NCAM1: variants seen among roughly 807,000 people sequenced by gnomAD.
NCAM1 encodes the protein antigen recognized by monoclonal antibody 5.1H11.
A neutral mutation model predicts 109.8 loss-of-function variants in NCAM1; 14 were observed. The observed-to-expected ratio is 0.13, with a 90% confidence interval of 0.08 to 0.20. NCAM1 has a LOEUF of 0.20. Ranked by LOEUF, NCAM1 falls within the 10% of genes least tolerant of loss-of-function variation. NCAM1 has a pLI of 1.00. For missense variants in NCAM1, 774 were observed against 1,109.9 expected (o/e 0.70, Z 4.30); for synonymous variants, 418 against 442.9 (o/e 0.94, Z 0.70).
intron 1 of NCAM1, among the ~76,000 whole-genome samples, chr11:113,153,576 T>C (rs1942312385): frequency 6.6e-6 from 1 of 152,106 alleles, no homozygotes; most frequent in Non-Finnish European, 1.5e-5. Flanking sequence ...AGAATATGAA[T>C]GAAAGAACTG....
intron 1 of NCAM1, among the ~76,000 whole-genome samples, chr11:113,001,951 G>A (rs1039569933): frequency 9.9e-5 from 15 of 152,172 alleles, no homozygotes; most frequent in Admixed American, 9.8e-4. Flanking sequence ...TTCTCTCCGT[G>A]GAGAGGCAAT....
Position 113,145,451 on chromosome 11 carries a change from G to A in NCAM1, c.53-56928G>A, listed in dbSNP as rs974052812. Among the ~76,000 whole-genome samples the A allele has an allele frequency of 3.9e-5, 6 of 152,216 alleles. No individual in the cohort carries two copies. The East Asian group carries it at 1.2e-3, about 29-fold the overall frequency. On this transcript the variant is annotated intron_variant, in intron 1 of 19. Transcript: ENST00000316851. ...GAACAATTGCCAAAAGGAAAAATCAGAATCTCCCACTCAATCTTTCATCTT... is the reference window on the plus strand; with the variant it reads ...GAACAATTGCCAAAAGGAAAAATCAAAATCTCCCACTCAATCTTTCATCTT...
At chr11:113,067,911 T>G (rs1555084487) in intron 1 of NCAM1, among the ~76,000 whole-genome samples, 6 of 148,938 alleles carry the variant, frequency 4.0e-5, no homozygotes, top group Middle Eastern at 3.5e-3. Context: ...AACAAGTTTT[T>G]TTTTTTTTTT....
chr11:113,080,672 G>A (rs1015844089), intron 1 of NCAM1, among the ~76,000 whole-genome samples: 3 of 152,168 alleles, frequency 2.0e-5, no homozygotes, highest in Non-Finnish European at 4.4e-5. Context: ...TATTTTTATA[G>A]TGATAGGAAG....
intron 17 of NCAM1, chr11:113,262,986 C>A: frequency 6.4e-7 from 1 of 1,573,640 alleles, no homozygotes; most frequent in Non-Finnish European, 8.6e-7. Context: ...AAGATCAGTG[C>A]CCCCTTTGGA....
chr11:113,207,699 G>T, intron 6 of NCAM1, 134 bp from the exon 7 acceptor site: 2 of 935,352 alleles, frequency 2.1e-6, no homozygotes, highest in Non-Finnish European at 3.2e-6. Context: ...CGTTCAACTT[G>T]GTGCCTTAAC....
intron 1 of NCAM1, among the ~76,000 whole-genome samples, chr11:113,092,361 A>G (rs1939387255): frequency 6.6e-6 from 1 of 152,136 alleles, no homozygotes. Context: ...CTCTCAACTG[A>G]AAGATGAGTA....
chr11:113,136,578 G>C (rs1185644058), intron 1 of NCAM1, among the ~76,000 whole-genome samples: 1 of 152,214 alleles, frequency 6.6e-6, no homozygotes, highest in Non-Finnish European at 1.5e-5. Context: ...CACCATCCAT[G>C]CTTCTCAAAG....
At chr11:113,197,671 G>A (rs1943896252) in intron 1 of NCAM1, among the ~76,000 whole-genome samples, 1 of 152,172 alleles carries the variant, frequency 6.6e-6, no homozygotes. Flanking sequence ...ATCTTGACAA[G>A]GAAGTATTTT....
chr11:113,053,415 T>C (rs1325071553), intron 1 of NCAM1, among the ~76,000 whole-genome samples: 2 of 152,172 alleles, frequency 1.3e-5, no homozygotes, highest in Non-Finnish European at 2.9e-5. Flanking sequence ...TTCCTTTGGG[T>C]ATATAACCAG....
At chr11:113,087,909 C>T (rs1354591114) in intron 1 of NCAM1, among the ~76,000 whole-genome samples, 7 of 152,184 alleles carry the variant, frequency 4.6e-5, no homozygotes, top group African/African-American at 1.7e-4. Flanking sequence ...GCAAGGCATT[C>T]TGCATGACTG....
intron 7 of NCAM1, among the ~76,000 whole-genome samples, chr11:113,213,731 C>T (rs138958512): frequency 7.3e-4 from 111 of 152,348 alleles, no homozygotes; most frequent in African/African-American, 2.5e-3. Context: ...AACATTACCG[C>T]ACATCTGGGT....
chr11:113,081,458 AG>A (rs1460195597), intron 1 of NCAM1, among the ~76,000 whole-genome samples: 2 of 152,252 alleles, frequency 1.3e-5, no homozygotes, highest in African/African-American at 4.8e-5. Context: ...CACTCGCCAA[AG>A]GATGCTACGT....
chr11:113,041,536 G>A (rs1953071894), intron 1 of NCAM1, among the ~76,000 whole-genome samples: 1 of 152,144 alleles, frequency 6.6e-6, no homozygotes, highest in Non-Finnish European at 1.5e-5. Context: ...TATGTAATGG[G>A]GATGACTATC....
intron 1 of NCAM1, among the ~76,000 whole-genome samples, chr11:113,158,565 C>T (rs1942495476): frequency 6.6e-6 from 1 of 152,226 alleles, no homozygotes; most frequent in Middle Eastern, 3.2e-3. Context: ...CCTTGTCCCT[C>T]CATCTTTGTT....
intron 1 of NCAM1, among the ~76,000 whole-genome samples, chr11:113,075,893 G>T (rs1328867772): frequency 1.3e-5 from 2 of 152,102 alleles, no homozygotes; most frequent in Non-Finnish European, 2.9e-5. Flanking sequence ...ATCATCCTTG[G>T]CCAATGGCCT....
chr11:113,032,353 G>C (rs1952747581), intron 1 of NCAM1, among the ~76,000 whole-genome samples: 2 of 152,094 alleles, frequency 1.3e-5, no homozygotes, highest in South Asian at 4.2e-4. Context: ...CTTACCACAG[G>C]TCAGCAGGGA....
At position 113,121,349 on chromosome 11, in the gene NCAM1, T is replaced by C. The variant is rs1271406956; in HGVS notation, c.53-81030T>C. ...GATTCTCATGCCTCAGTCTCCCAAG[T>C]AGCTGGGACTGCAGGTGCATGCCAC... On this transcript the variant is annotated intron_variant, in intron 1 of 19. Coordinates refer to ENST00000316851, the MANE Select transcript of NCAM1 (RefSeq NM_181351.5). Among the ~76,000 whole-genome samples the C allele has an allele frequency of 2.0e-5, 3 of 150,074 alleles. No homozygotes were observed. The Admixed American group carries it at 2.0e-4, about 10-fold the overall frequency.
intron 1 of NCAM1, among the ~76,000 whole-genome samples, chr11:113,180,194 G>A (rs1480037546): frequency 6.6e-6 from 1 of 152,178 alleles, no homozygotes; most frequent in Non-Finnish European, 1.5e-5. Context: ...AACAGCTGCT[G>A]GGCACAGGTA....
Sources: gnomAD v4.1 joint callset for allele counts (sites outside exome capture counted in the v4.1 genomes callset) on GRCh38, gnomAD v4.1.1 for gene constraint, MANE v1.5 for transcripts, NCBI Gene and HGNC (gene_info 2026-07-23, HGNC 2026-07-21) for gene names.